Variants in RNF141 observed in about 807,000 individuals in gnomAD.
RNF141 encodes ring finger protein 141.
RNF141 carries 18 observed loss-of-function variants against 27.4 expected under a neutral mutation model. That is an observed-to-expected ratio of 0.66 (90% CI 0.45 to 0.97). The LOEUF (loss-of-function observed/expected upper bound fraction) is 0.97. Ranked by LOEUF, RNF141 falls within the 50% of genes least tolerant of loss-of-function variation. The pLI, the probability that RNF141 is intolerant of heterozygous loss-of-function variation, is 0.00. For synonymous variants in RNF141, 97 were observed against 96.6 expected, an observed-to-expected ratio of 1.00 and a Z score of -0.02; for missense variants, 230 against 279.4, an observed-to-expected ratio of 0.82 and a Z score of 1.26.
At chr11:10,532,496 TAC>T (rs10559393) in intron 2 of RNF141, among the ~76,000 whole-genome samples, 15,158 of 131,096 alleles carry the variant, frequency 0.12, 974 homozygotes, top group South Asian at 0.24. Flanking sequence ...GTTCATTTTC[TAC>T]ACACACACAC....
intron 2 of RNF141, among the ~76,000 whole-genome samples, chr11:10,531,291 C>T (rs1685726271): frequency 6.6e-6 from 1 of 150,400 alleles, no homozygotes; most frequent in African/African-American, 2.5e-5. Context: ...AGGAGCATTG[C>T]TTGAACACGG....
intron 1 of RNF141, among the ~76,000 whole-genome samples, chr11:10,537,839 C>T (rs1850051609): frequency 6.6e-6 from 1 of 152,236 alleles, no homozygotes; most frequent in Non-Finnish European, 1.5e-5. Flanking sequence ...TTTCTCTCAG[C>T]TTTGATTGCC....
chr11:10,534,000 A>C lies in RNF141; in HGVS notation c.143+16T>G. ...CAACAAGGGGAAAAACGAAAAACAA[A>C]AAGAGCAAGCCTTACACATCATTAA... On this transcript the variant is annotated intron_variant, in intron 2 of 5. Transcript: ENST00000265981. 1 of 1,607,468 alleles carries C rather than the reference A, an allele frequency of 6.2e-7. No individual in the cohort carries two copies. The highest frequency in any genetic ancestry group is 8.5e-7 in the Non-Finnish European group (1 of 1,177,444).
rs978666929 is a variant in RNF141 at position 10,540,096 on chromosome 11, G to A, written c.-48+1026C>T. On this transcript the variant is annotated intron_variant, in intron 1 of 5. Transcript: ENST00000265981. Reference sequence around the variant, plus strand: ...CATCACTTCTCAGACGGGTGACTTCGACATGGAGGTGACTAATTTAGGATC... The same window carrying A: ...CATCACTTCTCAGACGGGTGACTTCAACATGGAGGTGACTAATTTAGGATC... 3.9e-5 allele frequency among the ~76,000 whole-genome samples: 6 copies of A among 152,096 alleles called. No homozygotes were observed. The South Asian group carries it at 8.3e-4, about 21-fold the overall frequency.
chr11:10,513,290 A>G lies in RNF141; in HGVS notation c.*1626T>C, dbSNP rs562152227. The G allele has an allele frequency of 6.6e-6, 1 of 152,316 alleles. No individual in the cohort carries two copies. Among genetic ancestry groups the G allele is most frequent in the East Asian group, 1.9e-4 (1 of 5,188 alleles). 9.4% of individuals were successfully genotyped at this position (152,316 alleles called of 1,614,324 possible). ...TTTCCTTGAAATTGATTTGAATTTT[A>G]TTTGCTCGCCTATTAAAATCCTACT... On this transcript the variant is annotated 3_prime_UTR_variant, in exon 6 of 6. Transcript: ENST00000265981.
intron 1 of RNF141, among the ~76,000 whole-genome samples, chr11:10,535,129 T>C (rs1316754817): frequency 6.6e-6 from 1 of 151,402 alleles, no homozygotes; most frequent in African/African-American, 2.4e-5. Context: ...TTAACAACCA[T>C]ATCACATAAA....
intron 5 of RNF141, 100 bp downstream of exon 5, chr11:10,518,934 T>C: frequency 2.6e-6 from 2 of 768,428 alleles, no homozygotes; most frequent in Non-Finnish European, 4.3e-6. Flanking sequence ...ATAAAATCTC[T>C]CTCATACTTA....
Position 10,534,085 on chromosome 11 carries a change from G to C in RNF141, c.74C>G (p.Thr25Arg), listed in dbSNP as rs140393944. The C allele has an allele frequency of 9.9e-6, 16 of 1,613,402 alleles. No homozygotes were observed. The highest frequency in any genetic ancestry group is 1.7e-4 in the Middle Eastern group (1 of 6,058). Reference sequence around the variant, plus strand: ...TAAGGAGCCACTCTCTCGAACCAACGTAACATGTTTTGCTACTTTTTCTGG... The same window carrying C: ...TAAGGAGCCACTCTCTCGAACCAACCTAACATGTTTTGCTACTTTTTCTGG... ...KLPEKVAKHVTLVRESGSLTY... is the reference protein window; with the variant it reads ...KLPEKVAKHVRLVRESGSLTY... Residue 25 changes from threonine (T) to arginine (R), a missense_variant, in exon 2 of 6, where the codon ACG (threonine) becomes AGG (arginine). Thr to Arg is a moderately conservative substitution (Grantham distance 71). Transcript: ENST00000265981.
chr11:10,534,708 T>C (rs1850018912), intron 1 of RNF141, among the ~76,000 whole-genome samples: 1 of 152,154 alleles, frequency 6.6e-6, no homozygotes, highest in Non-Finnish European at 1.5e-5. Context: ...AGGTGATTTA[T>C]CTAAAGTTAC....
intron 1 of RNF141, among the ~76,000 whole-genome samples, chr11:10,536,104 A>AC (rs1850032316): frequency 6.6e-6 from 1 of 152,220 alleles, no homozygotes; most frequent in South Asian, 2.1e-4. Flanking sequence ...TGCTAGGTGA[A>AC]CAAGTACAGG....
At chr11:10,528,788 T>C (rs1175454094) in intron 3 of RNF141, among the ~76,000 whole-genome samples, 1 of 152,216 alleles carries the variant, frequency 6.6e-6, no homozygotes, top group Non-Finnish European at 1.5e-5. Context: ...GTTCCTACTA[T>C]GTGTAAAGCA....
At chr11:10,517,797 G>C (rs2133965356) in intron 5 of RNF141, 1 of 152,254 alleles carries the variant, frequency 6.6e-6, no homozygotes, top group Admixed American at 6.5e-5. Flanking sequence ...CATTCAAGAA[G>C]AGCCTATGGA....
At chr11:10,518,869 A>G (rs113855738) in intron 5 of RNF141, 165 bp downstream of exon 5, 1 of 488,858 alleles carries the variant, frequency 2.0e-6, no homozygotes, top group African/African-American at 2.0e-5. Context: ...AGGTGTAAAA[A>G]CAAAAATAGT....
rs1400350867 is a variant in RNF141 at position 10,521,476 on chromosome 11, T to G, written c.435-2335A>C. Among the ~76,000 whole-genome samples, 7 of 152,348 alleles carry G rather than the reference T, an allele frequency of 4.6e-5. No homozygotes were observed. In the South Asian group the frequency reaches 1.2e-3, roughly 27 times the overall value. Reference sequence around the variant, plus strand: ...CTTTTGTAATAATATAAAAACTGACTGTTCCAAAGTACAGCCACTAGACTA... The same window carrying G: ...CTTTTGTAATAATATAAAAACTGACGGTTCCAAAGTACAGCCACTAGACTA... On this transcript the variant is annotated intron_variant, in intron 4 of 5. Transcript: ENST00000265981.
intron 1 of RNF141, among the ~76,000 whole-genome samples, chr11:10,535,773 T>G (rs967831505): frequency 6.6e-6 from 1 of 152,254 alleles, no homozygotes; most frequent in Middle Eastern, 3.4e-3. Context: ...AAAAAGTCTT[T>G]CCCAAGAAGG....
chr11:10,533,867 T>A, intron 2 of RNF141, 149 bp downstream of exon 2: 1 of 663,688 alleles, frequency 1.5e-6, no homozygotes, highest in Non-Finnish European at 2.4e-6. Context: ...AGTCAACTTA[T>A]AATAGATACT....
At chr11:10,526,880 T>TA (rs1849941039) in intron 3 of RNF141, among the ~76,000 whole-genome samples, 1 of 152,168 alleles carries the variant, frequency 6.6e-6, no homozygotes, top group Non-Finnish European at 1.5e-5. Context: ...AGGTAAAATC[T>TA]ATCTGGAGAT....
intron 5 of RNF141, chr11:10,518,397 T>A (rs1418498170): frequency 6.6e-6 from 1 of 152,090 alleles, no homozygotes; most frequent in Non-Finnish European, 1.5e-5. Context: ...TAACAGACAT[T>A]ACTCAGCAAT....
intron 4 of RNF141, 51 bp downstream of exon 4, chr11:10,525,141 T>C: frequency 3.7e-6 from 5 of 1,353,220 alleles, no homozygotes; most frequent in Non-Finnish European, 5.0e-6. Flanking sequence ...TAGATTTCAG[T>C]TGTTTTCATA....
Sources: gnomAD v4.1 joint callset for allele counts (sites outside exome capture counted in the v4.1 genomes callset) on GRCh38, gnomAD v4.1.1 for gene constraint, MANE v1.5 for transcripts, NCBI Gene and HGNC (gene_info 2026-07-23, HGNC 2026-07-21) for gene names.